SLC24A2: variants seen among roughly 807,000 people sequenced by gnomAD.
SLC24A2 encodes sodium/potassium/calcium exchanger 2.
A neutral mutation model predicts 62.0 loss-of-function variants in SLC24A2; 36 were observed. The ratio of observed to expected loss-of-function variants is 0.58; its 90% CI spans 0.44 to 0.77. The LOEUF (loss-of-function observed/expected upper bound fraction) is 0.77. SLC24A2 is among the 30% of genes least tolerant of loss of function. The probability of loss-of-function intolerance (pLI) is 0.00; values close to 1 mark genes in which losing one functional copy is unlikely to be tolerated. For synonymous variants in SLC24A2, 358 were observed against 294.0 expected, an observed-to-expected ratio of 1.22 and a Z score of -2.23; for missense variants, 846 against 817.9, an observed-to-expected ratio of 1.03 and a Z score of -0.42.
At chr9:19,858,705 A>G in the SLC24A2 span, among the ~76,000 whole-genome samples, 30 of 152,202 alleles carry the variant, frequency 2.0e-4, no homozygotes, top group African/African-American at 6.5e-4. Context: ...ATGAACAGAT[A>G]ATTTTCAAAG....
At chr9:20,019,251 AAGAG>A in the SLC24A2 span, among the ~76,000 whole-genome samples, 1 of 75,938 alleles carries the variant, frequency 1.3e-5, no homozygotes, top group Admixed American at 1.3e-4. Context: ...GAAAGAAGGA[AAGAG>A]AAAGAAAGAA....
chr9:19,888,627 C>A, the SLC24A2 span, among the ~76,000 whole-genome samples: 2 of 152,050 alleles, frequency 1.3e-5, no homozygotes, highest in Non-Finnish European at 1.5e-5. Flanking sequence ...TGCAAAGGAC[C>A]TAATTCCGAG....
At chr9:20,097,378 T>C in the SLC24A2 span, among the ~76,000 whole-genome samples, 6 of 152,208 alleles carry the variant, frequency 3.9e-5, no homozygotes, top group African/African-American at 9.6e-5. Flanking sequence ...GACAGTGGCA[T>C]TGAGTTATCT....
chr9:19,532,013 T>A (rs1757433957), intron 8 of SLC24A2, among the ~76,000 whole-genome samples: 1 of 152,192 alleles, frequency 6.6e-6, no homozygotes, highest in Non-Finnish European at 1.5e-5. Flanking sequence ...AATCTGCAGA[T>A]GCCCAAATCC....
chr9:19,975,637 T>A, the SLC24A2 span, among the ~76,000 whole-genome samples: 1 of 152,376 alleles, frequency 6.6e-6, no homozygotes, highest in East Asian at 1.9e-4. Flanking sequence ...ATGATTCATT[T>A]ATGTTTATCT....
the SLC24A2 span, among the ~76,000 whole-genome samples, chr9:19,904,654 CTCAG>C: frequency 6.6e-6 from 1 of 152,164 alleles, no homozygotes; most frequent in Non-Finnish European, 1.5e-5. Flanking sequence ...CATGATTCTT[CTCAG>C]TCAGGTAAAA....
the SLC24A2 span, among the ~76,000 whole-genome samples, chr9:19,848,337 G>A: frequency 1.3e-3 from 197 of 152,226 alleles, 2 homozygotes; most frequent in African/African-American, 4.6e-3. Context: ...GAAAATGAGT[G>A]GGTTCAAAGT....
the SLC24A2 span, among the ~76,000 whole-genome samples, chr9:20,156,760 G>A: frequency 6.6e-6 from 1 of 151,740 alleles, no homozygotes; most frequent in Non-Finnish European, 1.5e-5. Context: ...GTGTATTAGA[G>A]TCTTGCACCC....
At chr9:20,224,902 G>C in the SLC24A2 span, among the ~76,000 whole-genome samples, 3 of 152,074 alleles carry the variant, frequency 2.0e-5, no homozygotes, top group Admixed American at 2.0e-4. Flanking sequence ...ACTTCAACTA[G>C]AAATGTCTGG....
intron 1 of SLC24A2, 47 bp downstream of exon 1, chr9:19,788,838 G>T (rs954710324): frequency 6.1e-6 from 6 of 985,330 alleles, no homozygotes; most frequent in South Asian, 4.7e-5. Flanking sequence ...GGGGACGACC[G>T]CCACAGCGGC....
intron 4 of SLC24A2, among the ~76,000 whole-genome samples, chr9:19,602,402 A>G (rs1286355261): frequency 6.6e-6 from 1 of 152,188 alleles, no homozygotes; most frequent in Non-Finnish European, 1.5e-5. Flanking sequence ...TCACAAGTTT[A>G]TATTGGAGAA....
At chr9:19,535,516 A>G (rs1272424086) in intron 8 of SLC24A2, among the ~76,000 whole-genome samples, 1 of 152,076 alleles carries the variant, frequency 6.6e-6, no homozygotes, top group Non-Finnish European at 1.5e-5. Flanking sequence ...ATCCATCTTG[A>G]GTTAATTTTT....
In SLC24A2 at chr9:19,510,463, T is replaced by TAA. The variant is rs1016462149; in HGVS notation, c.*5688_*5689dup. On this transcript the variant is annotated 3_prime_UTR_variant, in exon 11 of 11. Transcript: ENST00000341998. ...AAAAAAAAAAAAAAAAAAAAAAAGTTAAGTCATTAAGTGGATGGGTTTGGG... is the reference window on the plus strand; with the variant it reads ...AAAAAAAAAAAAAAAAAAAAAAAGTTAAAAGTCATTAAGTGGATGGGTTTGGG... 2.3e-5 allele frequency: 3 copies of TAA among 131,550 alleles called. No homozygotes were observed. Among genetic ancestry groups the TAA allele is most frequent in the Non-Finnish European group, 4.8e-5 (3 of 62,010 alleles). The allele number at this position is 131,550 out of a possible 1,614,324, so 8.1% of individuals were successfully genotyped here.
intron 9 of SLC24A2, 90 bp downstream of exon 9, chr9:19,527,959 C>T: frequency 1.2e-6 from 1 of 803,154 alleles, no homozygotes; most frequent in South Asian, 1.5e-5. Context: ...ACTGTTGTGG[C>T]AGTTGCAGAA....
intron 5 of SLC24A2, among the ~76,000 whole-genome samples, chr9:19,581,207 A>C (rs1563980599): frequency 6.6e-6 from 1 of 152,138 alleles, no homozygotes; most frequent in Admixed American, 6.5e-5. Context: ...GTTTCAGTGA[A>C]TCCCCCAACA....
the SLC24A2 span, among the ~76,000 whole-genome samples, chr9:20,100,347 C>G: frequency 2.0e-5 from 3 of 152,166 alleles, no homozygotes; most frequent in Non-Finnish European, 2.9e-5. Context: ...AAGCATAAGT[C>G]CCTATGCCTG....
chr9:20,114,293 G>A, the SLC24A2 span, among the ~76,000 whole-genome samples: 6 of 152,138 alleles, frequency 3.9e-5, no homozygotes, highest in Non-Finnish European at 4.4e-5. Flanking sequence ...GCCAGGAAAA[G>A]TCTATGTTCC....
At chr9:20,244,720 T>C in the SLC24A2 span, among the ~76,000 whole-genome samples, 5 of 152,238 alleles carry the variant, frequency 3.3e-5, no homozygotes, top group African/African-American at 1.2e-4. Flanking sequence ...AGGGAAATTA[T>C]GATGGGGAAG....
the SLC24A2 span, among the ~76,000 whole-genome samples, chr9:19,934,195 G>A: frequency 3.0e-4 from 46 of 152,192 alleles, no homozygotes; most frequent in African/African-American, 1.1e-3. This position sits in a 1 kb window ranked among gnomAD's most constrained non-coding sequence, Gnocchi z 4.1. Context: ...CTTTTATGAC[G>A]CCTACAGCCT....
Sources: allele counts gnomAD v4.1 joint callset (sites outside exome capture counted in the v4.1 genomes callset), GRCh38; gene constraint gnomAD v4.1.1; non-coding constraint Gnocchi (gnomAD v3.1); transcripts MANE v1.5; gene names NCBI Gene and HGNC (gene_info 2026-07-23, HGNC 2026-07-21).